DPP10: variants seen among roughly 807,000 people sequenced by gnomAD.
DPP10 encodes the protein dipeptidyl peptidase like 10.
A neutral mutation model predicts 120.9 loss-of-function variants in DPP10; 33 were observed. That is an observed-to-expected ratio of 0.27 (90% confidence interval 0.21 to 0.37). The LOEUF is 0.37. Among genes scored for constraint, DPP10 ranks in the 10% least tolerant of loss-of-function variants. The pLI, the probability that DPP10 is intolerant of heterozygous loss-of-function variation, is 1.00. For synonymous variants in DPP10, 337 were observed against 326.1 expected (o/e 1.03, Z -0.36); for missense variants, 816 against 942.8 (o/e 0.87, Z 1.76).
At chr2:115,733,620 G>A (rs1335969043) in intron 8 of DPP10, among the ~76,000 whole-genome samples, 1 of 150,184 alleles carries the variant, frequency 6.7e-6, no homozygotes, top group South Asian at 2.1e-4. Context: ...CCACAGGCCT[G>A]CAGAGCTGCA....
At chr2:115,280,386 A>T (rs1312674666) in intron 1 of DPP10, among the ~76,000 whole-genome samples, 1 of 152,198 alleles carries the variant, frequency 6.6e-6, no homozygotes, top group Non-Finnish European at 1.5e-5. Context: ...TCCCAGGAGA[A>T]CTGTGACTTC....
At chr2:115,089,206 G>T (rs1179425666) in intron 1 of DPP10, among the ~76,000 whole-genome samples, 1 of 151,860 alleles carries the variant, frequency 6.6e-6, no homozygotes, top group Non-Finnish European at 1.5e-5. Context: ...AGACCTCATG[G>T]TCAATCATCG....
At chr2:115,626,846 G>A (rs1289519819) in intron 5 of DPP10, among the ~76,000 whole-genome samples, 2 of 152,108 alleles carry the variant, frequency 1.3e-5, no homozygotes, top group African/African-American at 4.8e-5. Context: ...ATTGAAGGAT[G>A]TCATTATGCC....
chr2:115,201,749 C>T (rs1041278309), intron 1 of DPP10, among the ~76,000 whole-genome samples: 8 of 152,096 alleles, frequency 5.3e-5, no homozygotes, highest in Admixed American at 5.2e-4. Flanking sequence ...GCTCCCAGCC[C>T]CTCCTTCCAC....
intron 1 of DPP10, among the ~76,000 whole-genome samples, chr2:115,214,817 G>T (rs2056723590): frequency 6.6e-6 from 1 of 152,108 alleles, no homozygotes; most frequent in Non-Finnish European, 1.5e-5. Context: ...CTGAGTTCTT[G>T]CTTGCTTGAC....
At chr2:115,592,259 C>G (rs924360471) in intron 5 of DPP10, among the ~76,000 whole-genome samples, 1 of 152,106 alleles carries the variant, frequency 6.6e-6, no homozygotes, top group African/African-American at 2.4e-5. Context: ...TGCCCCACAA[C>G]AGGTTTTAGT....
intron 1 of DPP10, among the ~76,000 whole-genome samples, chr2:115,114,121 AG>A (rs2049374828): frequency 1.3e-5 from 2 of 152,126 alleles, no homozygotes; most frequent in Admixed American, 6.6e-5. Flanking sequence ...CGAACTTGCC[AG>A]CTCCCCAAAC....
At chr2:115,355,646 A>G (rs62173718) in intron 3 of DPP10, among the ~76,000 whole-genome samples, 1 of 152,166 alleles carries the variant, frequency 6.6e-6, no homozygotes, top group Non-Finnish European at 1.5e-5. Flanking sequence ...TATGTCCTGA[A>G]TGATACTGCC....
At chr2:114,487,159 T>A (rs766412028) in intron 1 of DPP10, among the ~76,000 whole-genome samples, 32 of 152,336 alleles carry the variant, frequency 2.1e-4, no homozygotes, top group Non-Finnish European at 4.1e-4. Flanking sequence ...AAAATTTTTG[T>A]TCCATATCTT....
chr2:115,190,319 C>T (rs1179625531), intron 1 of DPP10, among the ~76,000 whole-genome samples: 1 of 151,316 alleles, frequency 6.6e-6, no homozygotes, highest in Non-Finnish European at 1.5e-5. Flanking sequence ...GGTCAAAGGA[C>T]CCATGTGAGG....
At chr2:115,144,698 G>C (rs527994842) in intron 1 of DPP10, among the ~76,000 whole-genome samples, 9 of 149,466 alleles carry the variant, frequency 6.0e-5, no homozygotes, top group African/African-American at 2.2e-4. Context: ...ATAGCATTAG[G>C]AGATATACCT....
intron 1 of DPP10, among the ~76,000 whole-genome samples, chr2:114,776,560 G>A (rs1285518276): frequency 6.6e-6 from 1 of 152,010 alleles, no homozygotes; most frequent in African/African-American, 2.4e-5. Context: ...TGATGAATTT[G>A]GCTTTTATAG....
intron 1 of DPP10, among the ~76,000 whole-genome samples, chr2:114,608,435 G>A (rs1277952134): frequency 1.3e-5 from 2 of 152,146 alleles, no homozygotes; most frequent in African/African-American, 4.8e-5. Flanking sequence ...CAAATAATTT[G>A]CAGCTCGAGA....
At position 115,292,011 on chromosome 2, in the gene DPP10, T is replaced by C. The variant is rs1230082846; in HGVS notation, c.61-17228T>C. Among the ~76,000 whole-genome samples, 3 of 152,292 alleles carry C rather than the reference T, an allele frequency of 2.0e-5. No individual in the cohort carries two copies. The South Asian group carries it at 6.2e-4, about 32-fold the overall frequency. The stretch of plus-strand genomic sequence containing the variant: ...ATTCATTCAGGTCAAACATTTGTGT[T>C]CTAATAGAACTTTCTTAAAATATCC... On this transcript the variant is annotated intron_variant, in intron 1 of 25. Transcript: ENST00000410059.
chr2:115,005,325 G>A (rs1701741981), intron 1 of DPP10, among the ~76,000 whole-genome samples: 2 of 152,182 alleles, frequency 1.3e-5, no homozygotes, highest in African/African-American at 2.4e-5. Context: ...CTCCTCCAAA[G>A]GAACGCAGCT....
intron 4 of DPP10, among the ~76,000 whole-genome samples, chr2:115,513,682 A>G (rs1355599605): frequency 6.6e-6 from 1 of 152,026 alleles, no homozygotes; most frequent in Admixed American, 6.6e-5. Flanking sequence ...ACCCCTTTGT[A>G]CTGTAATTTT....
chr2:115,248,235 T>TA (rs2058616865), intron 1 of DPP10, among the ~76,000 whole-genome samples: 1 of 152,110 alleles, frequency 6.6e-6, no homozygotes, highest in African/African-American at 2.4e-5. Context: ...TTAATGCAAT[T>TA]CTCCCTCTCT....
At chr2:114,443,910 A>G (rs1677799679) in intron 1 of DPP10, among the ~76,000 whole-genome samples, 2 of 152,150 alleles carry the variant, frequency 1.3e-5, no homozygotes, top group Non-Finnish European at 2.9e-5. Flanking sequence ...AATTTTCAAC[A>G]ATGTCTCTTC....
intron 1 of DPP10, among the ~76,000 whole-genome samples, chr2:114,953,028 A>G (rs1286952527): frequency 6.6e-6 from 1 of 150,712 alleles, no homozygotes; most frequent in Non-Finnish European, 1.5e-5. Flanking sequence ...AATTTGTCCT[A>G]TGTGTCTGTA....
Sources: allele counts gnomAD v4.1 joint callset (sites outside exome capture counted in the v4.1 genomes callset), GRCh38; gene constraint gnomAD v4.1.1; transcripts MANE v1.5; gene names NCBI Gene and HGNC (gene_info 2026-07-23, HGNC 2026-07-21).